The following ZZEF1 variants were observed in gnomAD, a reference collection of about 807,000 sequenced individuals.
ZZEF1 encodes zinc finger ZZ-type and EF-hand domain containing 1.
A neutral mutation model predicts 342.8 loss-of-function variants in ZZEF1; 157 were observed. That is an observed-to-expected ratio of 0.46 (90% CI 0.40 to 0.52). ZZEF1 has a LOEUF of 0.52. ZZEF1 is among the 20% of genes least tolerant of loss of function. The pLI is 0.00. For synonymous variants in ZZEF1, 1,505 were observed against 1,429.1 expected (o/e 1.05, Z -1.20); for missense variants, 3,480 against 3,725.6 (o/e 0.93, Z 1.72).
intron 53 of ZZEF1, 167 bp downstream of exon 53, chr17:4,009,437 G>C (rs2055886554): frequency 1.1e-6 from 1 of 936,026 alleles, no homozygotes; most frequent in Admixed American, 2.3e-5. Context: ...GGTTTCCCAG[G>C]CCTGGGAGAG....
Position 4,059,401 on chromosome 17 carries a change from C to T in ZZEF1, c.4884-111G>A, listed in dbSNP as rs186122561. 4.3e-5 allele frequency: 58 copies of T among 1,363,514 alleles called. No individual in the cohort carries two copies. The African/African-American group carries it at 4.6e-4, about 11-fold the overall frequency. The allele number at this position is 1,363,514 out of a possible 1,614,324, so 84.5% of individuals were successfully genotyped here. On this transcript the variant is annotated intron_variant, in intron 30 of 54. Transcript: ENST00000381638. ...GCAAGTGGCAGTCAGCTGAGCAAAG[C>T]GGCACAGGAACTTAAGTAAATACAA...
intron 24 of ZZEF1, among the ~76,000 whole-genome samples, chr17:4,073,058 C>G (rs966136634): frequency 6.6e-6 from 1 of 152,142 alleles, no homozygotes; most frequent in Admixed American, 6.5e-5. Flanking sequence ...GCATATAACA[C>G]GAGGCCATTC....
At chr17:4,091,781 A>T (rs373806109) in intron 11 of ZZEF1, among the ~76,000 whole-genome samples, 68 of 151,838 alleles carry the variant, frequency 4.5e-4, no homozygotes, top group Middle Eastern at 3.5e-3. Flanking sequence ...CATCTCAAAA[A>T]AATATAAAAA....
At position 4,116,917 on chromosome 17, in the gene ZZEF1, A is replaced by C. The variant is rs2058403434; in HGVS notation, c.694+55T>G. The C allele has an allele frequency of 4.0e-6, 6 of 1,485,262 alleles. No individual in the cohort carries two copies. In the African/African-American group the frequency reaches 8.5e-5, roughly 21 times the overall value. The allele number at this position is 1,485,262 out of a possible 1,614,324, so 92.0% of individuals were successfully genotyped here. A position where few individuals can be genotyped will look rare whatever the true frequency, so the allele number is the denominator to read the frequency against. ...AAGAATTGGCTCATTTTACCAACAC[A>C]ACAGTTAGAAGAAATGATCAGAGTA... On this transcript the variant is annotated intron_variant, in intron 3 of 54. Transcript: ENST00000381638.
chr17:4,043,628 C>T (rs1260492022), intron 38 of ZZEF1, among the ~76,000 whole-genome samples: 1 of 152,198 alleles, frequency 6.6e-6, no homozygotes, highest in Non-Finnish European at 1.5e-5. Flanking sequence ...CCTTCAGCAG[C>T]ATCTCTCCTT....
At chr17:4,086,009 T>C (rs1226678546) in intron 15 of ZZEF1, among the ~76,000 whole-genome samples, 1 of 152,244 alleles carries the variant, frequency 6.6e-6, no homozygotes, top group Non-Finnish European at 1.5e-5. Context: ...TATCAGTTTT[T>C]ATGTCATTAC....
chr17:4,085,890 T>C (rs2057809957), intron 15 of ZZEF1, 87 bp from the exon 16 acceptor site: 2 of 1,524,440 alleles, frequency 1.3e-6, no homozygotes, highest in African/African-American at 2.7e-5. Context: ...AATTCACTAC[T>C]CTCCATTTTG....
At chr17:4,022,188 T>A (rs970901579) in intron 44 of ZZEF1, among the ~76,000 whole-genome samples, 2 of 152,102 alleles carry the variant, frequency 1.3e-5, no homozygotes, top group African/African-American at 4.8e-5. Context: ...TGGGCCTGAA[T>A]GGCCGCTCAC....
rs575538758 is a variant in ZZEF1 at position 4,064,445 on chromosome 17, C to T, written c.4634G>A (p.Arg1545Lys). The T allele has an allele frequency of 1.2e-6, 2 of 1,614,186 alleles. No homozygotes were observed. Among genetic ancestry groups the T allele is most frequent in the South Asian group, 1.1e-5 (1 of 91,080 alleles). The change falls in exon 29 of 55, where the codon AGA (arginine) becomes AAA (lysine). Residue 1545 changes from arginine (R) to lysine (K), a missense_variant. By Grantham distance (26) the Arg-to-Lys change is conservative (BLOSUM62 2). Coordinates refer to ENST00000381638, the MANE Select transcript of ZZEF1 (RefSeq NM_015113.4). ...LLSFRSMEEARLVPTVKEKYP... is the reference protein window; with the variant it reads ...LLSFRSMEEAKLVPTVKEKYP... ...TTTCTCTTTCACTGTGGGCACCAGT[C>T]TGGCCTCCTCCATGGATCGAAAGGA...
rs892402591 is a variant in ZZEF1, at chr17:4,013,918, A to C, written c.8413+172T>G. Reference sequence around the variant, plus strand: ...TGGCCATTCAAGTTTACAACTAGCCAATGAAATCACATTCAGGAGTGACAG... The same window carrying C: ...TGGCCATTCAAGTTTACAACTAGCCCATGAAATCACATTCAGGAGTGACAG... On this transcript the variant is annotated intron_variant, in intron 51 of 54. Coordinates refer to ENST00000381638, the MANE Select transcript of ZZEF1 (RefSeq NM_015113.4). Among the ~76,000 whole-genome samples the C allele has an allele frequency of 6.6e-5, 10 of 152,358 alleles. No individual in the cohort carries two copies. In the South Asian group the frequency reaches 8.3e-4, roughly 13 times the overall value.
At chr17:4,132,694 T>C (rs1204664060) in intron 1 of ZZEF1, among the ~76,000 whole-genome samples, 1 of 126,694 alleles carries the variant, frequency 7.9e-6, no homozygotes, top group Admixed American at 8.2e-5. Flanking sequence ...TAGCCGGGTG[T>C]GGTGGCGGGC....
In ZZEF1 at chr17:4,105,757, A is replaced by G. The variant is rs1382258462; in HGVS notation, c.1330T>C (p.Phe444Leu). ...PLSLSPGSTD[F>L]STFLSPNVLE... ...ACATTAGGGGAGAGGAAAGTTGAGA[A>G]ATCTGTAGATCCTGGTGAGAGAGAG... Residue 444 changes from phenylalanine (F) to leucine (L), a missense_variant, in exon 7 of 55, where the codon TTC becomes CTC. Physicochemically the swap from Phe to Leu is conservative, Grantham distance 22. Transcript: ENST00000381638. 18 of 1,613,406 alleles carry G rather than the reference A, an allele frequency of 1.1e-5. No individual in the cohort carries two copies. Among genetic ancestry groups the G allele is most frequent in the Non-Finnish European group, 1.5e-5 (18 of 1,179,762 alleles).
intron 39 of ZZEF1, among the ~76,000 whole-genome samples, chr17:4,036,948 C>T (rs2056687316): frequency 6.6e-6 from 1 of 151,972 alleles, no homozygotes; most frequent in African/African-American, 2.4e-5. Context: ...TATCCTCTAC[C>T]AAAAGGAATG....
chr17:4,075,373 C>T lies in ZZEF1; in HGVS notation c.3291G>A (p.Lys1097=), dbSNP rs1450687432. The change falls in exon 22 of 55, where the codon AAG becomes AAA. Residue 1097 remains lysine (K), a synonymous_variant. Coordinates refer to ENST00000381638, the MANE Select transcript of ZZEF1 (RefSeq NM_015113.4). The stretch of plus-strand genomic sequence containing the variant: ...TATTTTCATAGTTGTGGGCAGATTC[C>T]TTCGTCCACGTATGTAACACCACAG... ...EQPVVLHTWT[K]ESAHNYENNC... 6.2e-7 allele frequency: 1 copy of T among 1,614,224 alleles called. No homozygotes were observed. Among genetic ancestry groups the T allele is most frequent in the Non-Finnish European group, 8.5e-7 (1 of 1,180,048 alleles).
At chr17:4,112,329 A>G (rs1375091682) in intron 5 of ZZEF1, among the ~76,000 whole-genome samples, 1 of 151,426 alleles carries the variant, frequency 6.6e-6, no homozygotes, top group African/African-American at 2.4e-5. Flanking sequence ...TATTTTTAGT[A>G]GAGACAGGGT....
intron 39 of ZZEF1, among the ~76,000 whole-genome samples, chr17:4,038,476 T>C (rs926010540): frequency 2.0e-5 from 3 of 152,294 alleles, no homozygotes; most frequent in African/African-American, 7.2e-5. Flanking sequence ...CACAATAACA[T>C]GGATGCATCT....
intron 52 of ZZEF1, among the ~76,000 whole-genome samples, chr17:4,012,770 AAAGT>A (rs2055997447): frequency 6.6e-6 from 1 of 152,242 alleles, no homozygotes; most frequent in South Asian, 2.1e-4. Flanking sequence ...TAGAATGAAC[AAAGT>A]AAGGTCACTG....
chr17:4,113,975 GA>G (rs1159831262), intron 4 of ZZEF1, among the ~76,000 whole-genome samples: 1 of 142,758 alleles, frequency 7.0e-6, no homozygotes, highest in Non-Finnish European at 1.5e-5. Context: ...GTCTTAAAAA[GA>G]AAAAAAAAAG....
At chr17:4,042,402 C>G (rs1266554944) in intron 39 of ZZEF1, 27 bp downstream of exon 39, 1 of 1,599,758 alleles carries the variant, frequency 6.3e-7, no homozygotes, top group Non-Finnish European at 8.5e-7. Context: ...ACCACCACCC[C>G]CACTTTTAAA....
Sources: allele counts gnomAD v4.1 joint callset (sites outside exome capture counted in the v4.1 genomes callset), GRCh38; gene constraint gnomAD v4.1.1; transcripts MANE v1.5; gene names NCBI Gene and HGNC (gene_info 2026-07-23, HGNC 2026-07-21).